CACNG3: variants seen among roughly 807,000 people sequenced by gnomAD.
The protein encoded by CACNG3 is calcium voltage-gated channel auxiliary subunit gamma 3, also known as voltage-dependent calcium channel gamma-3 subunit.
In CACNG3, 3 loss-of-function variants were observed where a neutral mutation model predicts 28.5. The observed-to-expected ratio is 0.11, with a 90% CI of 0.05 to 0.27. The LOEUF (loss-of-function observed/expected upper bound fraction) is 0.27, where lower values mean the gene tolerates loss of function less well. Ranked by LOEUF, CACNG3 falls within the 10% of genes least tolerant of loss-of-function variation. The pLI, the probability that CACNG3 is intolerant of heterozygous loss-of-function variation, is 1.00. For synonymous variants in CACNG3, 174 were observed against 162.2 expected, an observed-to-expected ratio of 1.07 and a Z score of -0.55; for missense variants, 236 against 414.4, an observed-to-expected ratio of 0.57 and a Z score of 3.74.
chr16:24,328,201 G>A (rs1229815654), intron 1 of CACNG3, among the ~76,000 whole-genome samples: 4 of 151,966 alleles, frequency 2.6e-5, no homozygotes, highest in Non-Finnish European at 5.9e-5. Context: ...ATTATTGGAT[G>A]GCATCAGCCT....
At chr16:24,315,839 A>G (rs1406019833) in intron 1 of CACNG3, among the ~76,000 whole-genome samples, 1 of 152,078 alleles carries the variant, frequency 6.6e-6, no homozygotes, top group Non-Finnish European at 1.5e-5. Context: ...TTGTGTTTTT[A>G]GTAGAGATGG....
intron 1 of CACNG3, among the ~76,000 whole-genome samples, chr16:24,277,373 T>G (rs1160941260): frequency 6.6e-6 from 1 of 152,076 alleles, no homozygotes; most frequent in Non-Finnish European, 1.5e-5. Context: ...ATCTAGCAGG[T>G]GATATCAGGG....
chr16:24,261,277 C>T (rs958790309), intron 1 of CACNG3, among the ~76,000 whole-genome samples: 2 of 152,074 alleles, frequency 1.3e-5, no homozygotes, highest in African/African-American at 2.4e-5. Context: ...AACTGAAACT[C>T]GGTCTCAGTG....
intron 1 of CACNG3, among the ~76,000 whole-genome samples, chr16:24,316,442 G>A (rs545930223): frequency 9.3e-5 from 14 of 151,306 alleles, no homozygotes; most frequent in African/African-American, 3.4e-4. Context: ...CTCTAAAGTG[G>A]ACTCTGTGAG....
At chr16:24,294,559 A>G (rs1298650711) in intron 1 of CACNG3, among the ~76,000 whole-genome samples, 1 of 151,988 alleles carries the variant, frequency 6.6e-6, no homozygotes, top group Admixed American at 6.6e-5. Flanking sequence ...ATTGCCTTTA[A>G]CTCCTGACAG....
Position 24,361,837 on chromosome 16 carries a change from G to T in CACNG3, c.922G>T (p.Ala308Ser), listed in dbSNP as rs765960030. Residue 308 changes from alanine (A) to serine (S), a missense_variant, in exon 4 of 4, where the codon GCC becomes TCC. By Grantham distance (99) the Ala-to-Ser change is moderately conservative. Transcript: ENST00000005284. The surrounding 1 kb of genome is among the most constrained non-coding windows in gnomAD (Gnocchi z 6.8). The stretch of plus-strand genomic sequence containing the variant: ...CAAAGAGTCACTGCATAATAATCCG[G>T]CCAACAGGCGCACCACGCCCGTCTG... The part of the protein sequence containing the change: ...EFKESLHNNP[A>S]NRRTTPV 2 of 1,610,214 alleles carry T rather than the reference G, an allele frequency of 1.2e-6. No individual in the cohort carries two copies. The highest frequency in any genetic ancestry group is 2.2e-5 in the South Asian group (2 of 91,014).
At chr16:24,314,480 T>C (rs1265857136) in intron 1 of CACNG3, among the ~76,000 whole-genome samples, 1 of 152,148 alleles carries the variant, frequency 6.6e-6, no homozygotes, top group Non-Finnish European at 1.5e-5. Flanking sequence ...CCAATGCACC[T>C]TGATGTGAAA....
chr16:24,311,246 C>A (rs1267488818), intron 1 of CACNG3, among the ~76,000 whole-genome samples: 4 of 152,216 alleles, frequency 2.6e-5, no homozygotes, highest in Admixed American at 2.6e-4. Flanking sequence ...TGCGGTGGCT[C>A]ACGCCTGTAA....
intron 2 of CACNG3, among the ~76,000 whole-genome samples, 179 bp from the exon 3 acceptor site, chr16:24,354,654 C>T (rs879942394): frequency 6.6e-6 from 1 of 152,168 alleles, no homozygotes; most frequent in Non-Finnish European, 1.5e-5. Flanking sequence ...GAGCATCAAC[C>T]CCAAGTGCCA....
chr16:24,274,013 C>A (rs983088915), intron 1 of CACNG3, among the ~76,000 whole-genome samples: 17 of 151,944 alleles, frequency 1.1e-4, no homozygotes, highest in African/African-American at 3.9e-4. Context: ...ATGGTGCAAC[C>A]TCTTCTGTAC....
chr16:24,314,733 GCCTCCTCCTCCTCCT>G (rs140787661), intron 1 of CACNG3, among the ~76,000 whole-genome samples: 14 of 119,012 alleles, frequency 1.2e-4, no homozygotes, highest in African/African-American at 3.9e-4. Flanking sequence ...TAGGACTCTC[GCCTCCTCCTCCTCCT>G]CCTCCTCCTC....
chr16:24,302,911 C>T (rs886588365), intron 1 of CACNG3, among the ~76,000 whole-genome samples: 5 of 151,942 alleles, frequency 3.3e-5, no homozygotes, highest in Non-Finnish European at 7.4e-5. Context: ...TTACCCGCCT[C>T]GGCCTCCCAA....
Position 24,331,843 on chromosome 16 carries a change from C to T in CACNG3, c.212-14891C>T, listed in dbSNP as rs147868169. Among the ~76,000 whole-genome samples the T allele has an allele frequency of 3.1e-4, 47 of 152,302 alleles. No homozygotes were observed. The East Asian group carries it at 6.2e-3, about 20-fold the overall frequency. On this transcript the variant is annotated intron_variant, in intron 1 of 3. Transcript: ENST00000005284. ...TTTCCTCTGCCTGGAAGGCTCTTCCCTCAAATCTTCCCATGGGTGGCTTCC... is the reference window on the plus strand; with the variant it reads ...TTTCCTCTGCCTGGAAGGCTCTTCCTTCAAATCTTCCCATGGGTGGCTTCC...
intron 1 of CACNG3, among the ~76,000 whole-genome samples, chr16:24,328,000 A>T (rs531510657): frequency 1.3e-5 from 2 of 152,166 alleles, no homozygotes; most frequent in Non-Finnish European, 2.9e-5. Flanking sequence ...CATCCCATAC[A>T]TTCATTTGTC....
chr16:24,354,715 G>C lies in CACNG3; in HGVS notation c.296-118G>C, dbSNP rs1900005004. ...AGCGCCTGGTCTCATGCCCGTGTTA[G>C]ACATGGGCTCTGTTCTCTTCCTGTG... On this transcript the variant is annotated intron_variant, in intron 2 of 3. Coordinates refer to ENST00000005284, the MANE Select transcript of CACNG3 (RefSeq NM_006539.4). 5.0e-6 allele frequency: 5 copies of C among 1,004,346 alleles called. No homozygotes were observed. In the South Asian group the frequency reaches 6.3e-5, roughly 13 times the overall value. The allele number at this position is 1,004,346 out of a possible 1,614,324, so 62.2% of individuals were successfully genotyped here.
intron 3 of CACNG3, among the ~76,000 whole-genome samples, chr16:24,359,625 G>A (rs1900080331): frequency 6.6e-6 from 1 of 152,090 alleles, no homozygotes; most frequent in Non-Finnish European, 1.5e-5. Context: ...ATTTTGAGAG[G>A]CCAGGGTGGG....
chr16:24,349,919 A>G (rs564531273), intron 2 of CACNG3, among the ~76,000 whole-genome samples: 3 of 152,332 alleles, frequency 2.0e-5, no homozygotes, highest in Admixed American at 2.0e-4. Flanking sequence ...TGTTGACTAG[A>G]GACTTCCACG....
chr16:24,317,653 A>AAAG (rs1486370660), intron 1 of CACNG3, among the ~76,000 whole-genome samples: 1 of 60,334 alleles, frequency 1.7e-5, no homozygotes, highest in Non-Finnish European at 3.3e-5. Context: ...AAAAGAAAAG[A>AAAG]AAGAAAGAAA....
In CACNG3 at chr16:24,354,848, C is replaced by T. The variant is rs1413362855; in HGVS notation, c.311C>T (p.Ser104Phe). 3.1e-6 allele frequency: 5 copies of T among 1,612,190 alleles called. No individual in the cohort carries two copies. Among genetic ancestry groups the T allele is most frequent in the Non-Finnish European group, 4.2e-6 (5 of 1,179,978 alleles). Residue 104 changes from serine (S) to phenylalanine (F), a missense_variant, in exon 3 of 4, where the codon TCC becomes TTC. Ser to Phe is a radical substitution (Grantham distance 155, BLOSUM62 -2). Transcript: ENST00000005284. ...CTCTCCGCAGGAGCTGTGAGGGCCT[C>T]CAGTGTCTTCCCCATCCTCAGTGTC... ...AEYLLRAVRA[S>F]SVFPILSVTL...
Sources: gnomAD v4.1 joint callset for allele counts (sites outside exome capture counted in the v4.1 genomes callset) on GRCh38, gnomAD v4.1.1 for gene constraint, Gnocchi (gnomAD v3.1) non-coding constraint, MANE v1.5 for transcripts, NCBI Gene and HGNC (gene_info 2026-07-23, HGNC 2026-07-21) for gene names.